SRGAP2C: variants seen among roughly 807,000 people sequenced by gnomAD.
SRGAP2C encodes SLIT-ROBO Rho GTPase activating protein 2C.
SRGAP2C carries 15 observed loss-of-function variants against 25.1 expected under a neutral mutation model. The observed-to-expected ratio is 0.60, with a 90% CI of 0.40 to 0.92. The LOEUF is 0.92. Among genes scored for constraint, SRGAP2C ranks in the 40% least tolerant of loss-of-function variants. The probability of loss-of-function intolerance (pLI) is 0.00; values close to 1 mark genes in which losing one functional copy is unlikely to be tolerated. For synonymous variants in SRGAP2C, 44 were observed against 96.6 expected (o/e 0.46, Z 3.19); for missense variants, 144 against 264.4 (o/e 0.54, Z 3.16).
chr1:121,343,079 C>G (rs1340164001), intron 4 of SRGAP2C, among the ~76,000 whole-genome samples: 3 of 151,616 alleles, frequency 2.0e-5, no homozygotes, highest in Non-Finnish European at 4.4e-5. Context: ...TCATTAGACT[C>G]ATATCAAATC....
At chr1:121,265,294 T>C (rs1553334117) in intron 2 of SRGAP2C, among the ~76,000 whole-genome samples, 2 of 96,222 alleles carry the variant, frequency 2.1e-5, no homozygotes, top group Non-Finnish European at 4.0e-5. Context: ...TAGACTATTA[T>C]AAAGCAAATT....
chr1:121,314,409 G>A (rs1658045849), intron 3 of SRGAP2C, among the ~76,000 whole-genome samples: 1 of 152,248 alleles, frequency 6.6e-6, no homozygotes, highest in South Asian at 2.1e-4. Context: ...ATCGTCTGAA[G>A]CCTTCTTCTC....
intron 3 of SRGAP2C, among the ~76,000 whole-genome samples, chr1:121,287,747 C>T (rs1278680546): frequency 6.6e-6 from 1 of 152,094 alleles, no homozygotes; most frequent in Non-Finnish European, 1.5e-5. Context: ...GGAGTCTGTC[C>T]CTTCTGATGT....
At chr1:121,285,803 C>T (rs1321993927) in intron 3 of SRGAP2C, among the ~76,000 whole-genome samples, 33 of 148,926 alleles carry the variant, frequency 2.2e-4, no homozygotes, top group African/African-American at 7.9e-4. Context: ...AAATGAGAAT[C>T]TCTGGGAGTG....
intron 5 of SRGAP2C, among the ~76,000 whole-genome samples, chr1:121,366,281 C>A (rs1182328950): frequency 2.7e-5 from 4 of 147,008 alleles, no homozygotes; most frequent in Admixed American, 6.9e-5. Context: ...CTTTTCTTTT[C>A]TTCCTTTGTT....
rs1553340419 is a variant in SRGAP2C, at chr1:121,314,891, C to T, written c.261-9587C>T. On this transcript the variant is annotated intron_variant, in intron 3 of 9. Coordinates refer to ENST00000367123, the MANE Select transcript of SRGAP2C (RefSeq NM_001329984.2). The stretch of plus-strand genomic sequence containing the variant: ...GTCGCTCACGCTGGGAGCTGTAGAC[C>T]GGAGCTGTTCCTATTCGGCCATATT... 72 of 619,460 alleles carry T rather than the reference C, an allele frequency of 1.2e-4. 1 individual carries two copies. Among genetic ancestry groups the T allele is most frequent in the Admixed American group, 1.1e-3 (41 of 38,752 alleles). 38.4% of individuals were successfully genotyped at this position (619,460 alleles called of 1,614,324 possible). A position where few individuals can be genotyped will look rare whatever the true frequency, so the allele number is the denominator to read the frequency against.
chr1:121,217,851 C>T (rs1655430977), intron 2 of SRGAP2C, among the ~76,000 whole-genome samples: 1 of 152,030 alleles, frequency 6.6e-6, no homozygotes, highest in Non-Finnish European at 1.5e-5. Flanking sequence ...AGGGATCTTA[C>T]TCCTCTTTGA....
chr1:121,335,637 G>A (rs1487010028), intron 4 of SRGAP2C, among the ~76,000 whole-genome samples: 3 of 150,498 alleles, frequency 2.0e-5, no homozygotes, highest in Non-Finnish European at 4.4e-5. Flanking sequence ...AATTTTTTTA[G>A]AGATGGGGTC....
At position 121,228,150 on chromosome 1, in the gene SRGAP2C, G is replaced by A. The variant is rs587738686; in HGVS notation, c.67+40637G>A. Among the ~76,000 whole-genome samples, 12 of 76,476 alleles carry A rather than the reference G, an allele frequency of 1.6e-4. 4 individuals carry two copies. The South Asian group carries it at 3.1e-3, about 20-fold the overall frequency. 50.2% of individuals were successfully genotyped at this position (76,476 alleles called of 152,430 possible). A position where few individuals can be genotyped will look rare whatever the true frequency, so the allele number is the denominator to read the frequency against. On this transcript the variant is annotated intron_variant, in intron 2 of 9. Coordinates refer to ENST00000367123, the MANE Select transcript of SRGAP2C (RefSeq NM_001329984.2). ...CCTCCGACCCCACATCTGAACTGAAGCCATGTGGGCCTGGCTAATGGATTT... is the reference window on the plus strand; with the variant it reads ...CCTCCGACCCCACATCTGAACTGAAACCATGTGGGCCTGGCTAATGGATTT...
chr1:121,286,661 A>G (rs1657374821), intron 3 of SRGAP2C, among the ~76,000 whole-genome samples: 1 of 152,240 alleles, frequency 6.6e-6, no homozygotes, highest in Non-Finnish European at 1.5e-5. Flanking sequence ...CTATAACAAG[A>G]TCCCACAACA....
intron 3 of SRGAP2C, among the ~76,000 whole-genome samples, chr1:121,322,981 C>A (rs1478858946): frequency 6.6e-6 from 1 of 151,912 alleles, no homozygotes; most frequent in African/African-American, 2.4e-5. Context: ...AGAGTACTCG[C>A]TTTGCAGTTA....
chr1:121,237,725 A>G (rs1655995479), intron 2 of SRGAP2C, among the ~76,000 whole-genome samples: 4 of 150,960 alleles, frequency 2.6e-5, no homozygotes, highest in Admixed American at 6.6e-5. Flanking sequence ...TGAGTAATAA[A>G]TTCCCTCCTT....
intron 2 of SRGAP2C, among the ~76,000 whole-genome samples, chr1:121,202,337 C>A (rs1419740580): frequency 6.6e-6 from 1 of 152,096 alleles, no homozygotes; most frequent in African/African-American, 2.4e-5. Context: ...CCCCTCCTCA[C>A]TTCCTCCAGT....
intron 2 of SRGAP2C, among the ~76,000 whole-genome samples, chr1:121,224,220 C>T (rs868966969): frequency 0.021 from 1,944 of 93,184 alleles, 42 homozygotes; most frequent in Non-Finnish European, 0.03. Flanking sequence ...TTATTTTGCA[C>T]GTCTCTGTAG....
chr1:121,347,898 G>A (rs1358042178), intron 4 of SRGAP2C, among the ~76,000 whole-genome samples: 1 of 147,146 alleles, frequency 6.8e-6, no homozygotes, highest in Non-Finnish European at 1.5e-5. Flanking sequence ...GCATGGAAAG[G>A]CAGGAATGCA....
intron 3 of SRGAP2C, among the ~76,000 whole-genome samples, chr1:121,307,885 T>C (rs1657881394): frequency 6.8e-6 from 1 of 147,132 alleles, no homozygotes; most frequent in African/African-American, 2.5e-5. Flanking sequence ...GGCCCAGTCC[T>C]CCAGTAGGTG....
intron 4 of SRGAP2C, among the ~76,000 whole-genome samples, chr1:121,337,529 G>A (rs1261259580): frequency 1.3e-5 from 2 of 151,576 alleles, no homozygotes; most frequent in Non-Finnish European, 2.9e-5. Flanking sequence ...CTACTCAGGA[G>A]GCTTAGGGAG....
intron 2 of SRGAP2C, among the ~76,000 whole-genome samples, chr1:121,211,436 C>CAA (rs1655253302): frequency 7.1e-6 from 1 of 140,164 alleles, no homozygotes; most frequent in Non-Finnish European, 1.6e-5. Context: ...CACACACACA[C>CAA]ACACACACAC....
intron 3 of SRGAP2C, among the ~76,000 whole-genome samples, chr1:121,315,490 G>T (rs1658076942): frequency 6.6e-6 from 1 of 151,322 alleles, no homozygotes; most frequent in Non-Finnish European, 1.5e-5. Context: ...GATTCCTTAA[G>T]GACCTGAACT....
Sources: gnomAD v4.1 joint callset for allele counts (sites outside exome capture counted in the v4.1 genomes callset) on GRCh38, gnomAD v4.1.1 for gene constraint, MANE v1.5 for transcripts, NCBI Gene and HGNC (gene_info 2026-07-23, HGNC 2026-07-21) for gene names.